Variants in CBFA2T3 observed in about 807,000 individuals in gnomAD.
CBFA2T3 encodes transcriptional corepressor CBFA2T3.
Under a neutral mutation model 58.6 loss-of-function variants are expected in CBFA2T3, and 31 were observed. The ratio of observed to expected loss-of-function variants is 0.53; its 90% confidence interval spans 0.40 to 0.71. The LOEUF is 0.71. CBFA2T3 is among the 30% of genes least tolerant of loss of function. The pLI, the probability that CBFA2T3 is intolerant of heterozygous loss-of-function variation, is 0.00. For synonymous variants in CBFA2T3, 531 were observed against 421.9 expected (o/e 1.26, Z -3.17); for missense variants, 1,076 against 963.1 (o/e 1.12, Z -1.55).
intron 1 of CBFA2T3, among the ~76,000 whole-genome samples, chr16:88,926,417 C>T (rs1341069235): frequency 6.6e-6 from 1 of 152,230 alleles, no homozygotes; most frequent in African/African-American, 2.4e-5. Context: ...GCCTCGTCTC[C>T]AAAATGTCGG....
At chr16:88,926,659 T>C (rs1208091329) in intron 1 of CBFA2T3, among the ~76,000 whole-genome samples, 1 of 152,174 alleles carries the variant, frequency 6.6e-6, no homozygotes, top group Non-Finnish European at 1.5e-5. Context: ...GGCAGGATCT[T>C]CCCAAGGGAC....
At chr16:88,935,047 C>T (rs951365780) in intron 1 of CBFA2T3, among the ~76,000 whole-genome samples, 2 of 152,208 alleles carry the variant, frequency 1.3e-5, no homozygotes, top group Non-Finnish European at 2.9e-5. Context: ...GCCAGAAGGA[C>T]GCATTCTTTA....
At chr16:88,965,619 T>C (rs1972482597) in intron 1 of CBFA2T3, among the ~76,000 whole-genome samples, 1 of 152,226 alleles carries the variant, frequency 6.6e-6, no homozygotes, top group Non-Finnish European at 1.5e-5. Flanking sequence ...GCTGTTCTTC[T>C]GTGACCCAGT....
At chr16:88,956,299 CG>C (rs1972218704) in intron 1 of CBFA2T3, among the ~76,000 whole-genome samples, 1 of 152,270 alleles carries the variant, frequency 6.6e-6, no homozygotes, top group African/African-American at 2.4e-5. Flanking sequence ...CCCACGCACA[CG>C]GAGCTCATGG....
chr16:88,934,712 C>T (rs191302415), intron 1 of CBFA2T3, among the ~76,000 whole-genome samples: 8 of 152,342 alleles, frequency 5.3e-5, no homozygotes, highest in Admixed American at 4.6e-4. Context: ...CGTGCCCTGC[C>T]CTCTTCCACC....
intron 1 of CBFA2T3, among the ~76,000 whole-genome samples, chr16:88,928,409 C>T (rs954943204): frequency 2.6e-5 from 4 of 152,232 alleles, no homozygotes; most frequent in Admixed American, 2.0e-4. Context: ...TGTGGCCACA[C>T]GTCCAGCTGC....
intron 1 of CBFA2T3, among the ~76,000 whole-genome samples, chr16:88,949,340 C>T (rs1971985997): frequency 6.6e-6 from 1 of 152,186 alleles, no homozygotes; most frequent in South Asian, 2.1e-4. Flanking sequence ...GGGCAGATCA[C>T]TTGAGGTCAG....
chr16:88,925,759 A>G (rs1971066230), intron 1 of CBFA2T3, among the ~76,000 whole-genome samples: 1 of 152,120 alleles, frequency 6.6e-6, no homozygotes, highest in Admixed American at 6.5e-5. Context: ...GGAGATGGCA[A>G]TGTGCTTTCC....
intron 3 of CBFA2T3, among the ~76,000 whole-genome samples, chr16:88,897,652 G>A (rs523960): frequency 2.0e-5 from 3 of 152,304 alleles, no homozygotes; most frequent in African/African-American, 7.2e-5. Flanking sequence ...ACGGGGGGTG[G>A]TACCTGGCCA....
rs200639409 is a variant in CBFA2T3 at position 88,916,240 on chromosome 16, ATG to A, written c.152-14586_152-14585del. On this transcript the variant is annotated intron_variant, in intron 1 of 11. Coordinates refer to ENST00000268679, the MANE Select transcript of CBFA2T3 (RefSeq NM_005187.6). ...CATATACATGTGGGTGTGTGTATTCATGTGTGTATTCATGCGTGTGCATGGCT... is the reference window on the plus strand; with the variant it reads ...CATATACATGTGGGTGTGTGTATTCATGTGTATTCATGCGTGTGCATGGCT... 6.7e-3 allele frequency among the ~76,000 whole-genome samples: 921 copies of A among 137,800 alleles called. 8 individuals carry two copies. Among genetic ancestry groups the A allele is most frequent in the African/African-American group, 0.025 (831 of 33,880 alleles). 90.4% of individuals were successfully genotyped at this position (137,800 alleles called of 152,430 possible). A position where few individuals can be genotyped will look rare whatever the true frequency, so the allele number is the denominator to read the frequency against.
chr16:88,932,028 A>G (rs946764691), intron 1 of CBFA2T3, among the ~76,000 whole-genome samples: 9 of 152,068 alleles, frequency 5.9e-5, no homozygotes, highest in African/African-American at 2.2e-4. Context: ...CCCCACACGC[A>G]TGCACACGTG....
intron 8 of CBFA2T3, among the ~76,000 whole-genome samples, chr16:88,882,176 G>C (rs892996635): frequency 1.3e-5 from 2 of 152,250 alleles, no homozygotes; most frequent in Admixed American, 6.5e-5. Flanking sequence ...CAGGGACGGC[G>C]CAGGCCACAC....
chr16:88,976,852 C>T lies in CBFA2T3; in HGVS notation c.-45G>A, dbSNP rs1384388994. 8.1e-5 allele frequency: 124 copies of T among 1,521,772 alleles called. No individual in the cohort carries two copies. The highest frequency in any genetic ancestry group is 1.7e-4 in the Middle Eastern group (1 of 5,888). 94.3% of individuals were successfully genotyped at this position (1,521,772 alleles called of 1,614,324 possible). On this transcript the variant is annotated 5_prime_UTR_variant, in exon 1 of 12. Coordinates refer to ENST00000268679, the MANE Select transcript of CBFA2T3 (RefSeq NM_005187.6). ...GGCCAACCTGGAGCCCAGGACAGGC[C>T]TCTACCAGGACTGCCTTTCCCGACC... is the stretch of plus-strand genomic sequence containing the variant.
intron 1 of CBFA2T3, among the ~76,000 whole-genome samples, chr16:88,934,801 G>A (rs539120807): frequency 1.2e-4 from 19 of 152,302 alleles, no homozygotes; most frequent in South Asian, 2.1e-4. Flanking sequence ...GTGCAGTGGC[G>A]CGATCTCGGC....
intron 1 of CBFA2T3, among the ~76,000 whole-genome samples, chr16:88,924,675 G>T (rs1971029695): frequency 6.6e-6 from 1 of 152,206 alleles, no homozygotes; most frequent in African/African-American, 2.4e-5. Flanking sequence ...GGGAGCATGA[G>T]GTCACTCTCG....
intron 1 of CBFA2T3, among the ~76,000 whole-genome samples, chr16:88,963,629 G>A (rs1181848508): frequency 1.3e-5 from 2 of 152,188 alleles, no homozygotes; most frequent in Non-Finnish European, 2.9e-5. Context: ...GGACCAGACC[G>A]TATGCGGCCT....
chr16:88,935,549 G>A (rs1011068450), intron 1 of CBFA2T3, among the ~76,000 whole-genome samples: 1 of 152,230 alleles, frequency 6.6e-6, no homozygotes, highest in African/African-American at 2.4e-5. Context: ...GGGGGCCCAG[G>A]GCTTGGCCCC....
At chr16:88,896,812 C>T (rs528786670) in intron 3 of CBFA2T3, among the ~76,000 whole-genome samples, 6 of 152,292 alleles carry the variant, frequency 3.9e-5, no homozygotes, top group Non-Finnish European at 7.4e-5. Context: ...GCCTGGCCCT[C>T]CCTTAGGTGC....
chr16:88,923,492 CTGTT>C (rs1309537588), intron 1 of CBFA2T3, among the ~76,000 whole-genome samples: 3 of 152,368 alleles, frequency 2.0e-5, no homozygotes, highest in Non-Finnish European at 2.9e-5. Flanking sequence ...ACCAGAAGGG[CTGTT>C]TGTTTGGGGC....
Sources: gnomAD v4.1 joint callset for allele counts (sites outside exome capture counted in the v4.1 genomes callset) on GRCh38, gnomAD v4.1.1 for gene constraint, MANE v1.5 for transcripts, NCBI Gene and HGNC (gene_info 2026-07-23, HGNC 2026-07-21) for gene names.